Variants in FAM135A observed in about 807,000 individuals in gnomAD.
The protein encoded by FAM135A is protein FAM135A.
Under a neutral mutation model 146.8 loss-of-function variants are expected in FAM135A, and 79 were observed. The ratio of observed to expected loss-of-function variants is 0.54; its 90% CI spans 0.45 to 0.65. The LOEUF is 0.65. Ranked by LOEUF, FAM135A falls within the 30% of genes least tolerant of loss-of-function variation. The pLI is 0.00. For missense variants in FAM135A, 1,623 were observed against 1,758.2 expected (o/e 0.92, Z 1.38); for synonymous variants, 562 against 603.6 (o/e 0.93, Z 1.01).
rs780442601 is a variant in FAM135A at position 70,482,012 on chromosome 6, C to A, written c.681C>A (p.Phe227Leu). ...TKQLSPDGCS[F>L]IIADSFLHHA... Reference sequence around the variant, plus strand: ...TGTTTTTTGTTTAGGGTTGTAGCTTCATCATTGCAGACTCCTTCCTACATC... The same window carrying A: ...TGTTTTTTGTTTAGGGTTGTAGCTTAATCATTGCAGACTCCTTCCTACATC... The change falls in exon 10 of 22, where the codon TTC becomes TTA. Residue 227 changes from phenylalanine to leucine, a missense_variant. This residue lies in a region of FAM135A where 206 missense variants were observed against 194.7 expected (regional missense o/e 1.06). Coordinates refer to ENST00000418814, the MANE Select transcript of FAM135A (RefSeq NM_001162529.3). 6.2e-7 allele frequency: 1 copy of A among 1,612,636 alleles called. No homozygotes were observed. The highest frequency in any genetic ancestry group is 1.1e-5 in the South Asian group (1 of 90,946).
chr6:70,462,460 C>T lies in FAM135A; in HGVS notation c.157+9889C>T, dbSNP rs556211770. Reference sequence around the variant, plus strand: ...TGCCCAGCACACAGTATTTAGTAGCCAGTATTAGTACTAATAAGACTGAAA... The same window carrying T: ...TGCCCAGCACACAGTATTTAGTAGCTAGTATTAGTACTAATAAGACTGAAA... On this transcript the variant is annotated intron_variant, in intron 5 of 21. Coordinates refer to ENST00000418814, the MANE Select transcript of FAM135A (RefSeq NM_001162529.3). 9.2e-5 allele frequency among the ~76,000 whole-genome samples: 14 copies of T among 151,922 alleles called. No homozygotes were observed. The South Asian group carries it at 2.9e-3, about 32-fold the overall frequency.
intron 2 of FAM135A, among the ~76,000 whole-genome samples, chr6:70,417,935 A>G (rs1226724398): frequency 6.6e-6 from 1 of 152,188 alleles, no homozygotes; most frequent in African/African-American, 2.4e-5. Context: ...AGTTTGTCTT[A>G]TATTCTAAAA....
intron 20 of FAM135A, among the ~76,000 whole-genome samples, chr6:70,540,462 C>CT (rs1303469808): frequency 2.6e-5 from 4 of 151,600 alleles, no homozygotes; most frequent in African/African-American, 4.8e-5. Context: ...GTAGCTGGGA[C>CT]TACAGGCGCC....
chr6:70,533,526 C>G (rs1264322325), intron 17 of FAM135A, among the ~76,000 whole-genome samples: 1 of 152,044 alleles, frequency 6.6e-6, no homozygotes, highest in African/African-American at 2.4e-5. Context: ...TGGTAGTGAG[C>G]TAAACAAACA....
In FAM135A at chr6:70,525,022, T is replaced by G. The variant is rs1794391795; in HGVS notation, c.1938T>G (p.His646Gln). ...SRRSSDDCHD[H>Q]QTTPSLGVRT... ...GGTCATCAGACGATTGCCATGATCA[T>G]CAAACAACCCCATCTTTGGGAGTTA... The change falls in exon 15 of 22, where the codon CAT becomes CAG. Residue 646 changes from histidine to glutamine, a missense_variant. By Grantham distance (24) the His-to-Gln change is conservative (BLOSUM62 0). This residue lies in a region of FAM135A where 1,061 missense variants were observed against 1,113.8 expected (regional missense o/e 0.95). Transcript: ENST00000418814. 1 of 1,597,306 alleles carries G rather than the reference T, an allele frequency of 6.3e-7. No homozygotes were observed. Among genetic ancestry groups the G allele is most frequent in the African/African-American group, 1.4e-5 (1 of 73,966 alleles).
intron 11 of FAM135A, among the ~76,000 whole-genome samples, chr6:70,495,593 G>A (rs1323165074): frequency 1.3e-5 from 2 of 151,752 alleles, no homozygotes; most frequent in Non-Finnish European, 2.9e-5. Flanking sequence ...GCAGCCTTTG[G>A]GGATACACAC....
At chr6:70,469,905 C>T (rs1487644033) in intron 5 of FAM135A, among the ~76,000 whole-genome samples, 1 of 151,844 alleles carries the variant, frequency 6.6e-6, no homozygotes, top group African/African-American at 2.4e-5. Flanking sequence ...GTGAGAGGAT[C>T]GCTTGAGCCC....
intron 4 of FAM135A, among the ~76,000 whole-genome samples, chr6:70,438,727 T>C (rs1001262529): frequency 6.6e-6 from 1 of 152,202 alleles, no homozygotes; most frequent in African/African-American, 2.4e-5. Context: ...AAAAATCTCT[T>C]ATGCAGAGGT....
intron 11 of FAM135A, among the ~76,000 whole-genome samples, chr6:70,496,623 T>G (rs956767398): frequency 1.3e-5 from 2 of 152,194 alleles, no homozygotes; most frequent in Admixed American, 6.5e-5. Context: ...TCTTGTAGAG[T>G]TTGTATGGTT....
intron 5 of FAM135A, among the ~76,000 whole-genome samples, chr6:70,460,165 CTGTTA>C (rs1392748402): frequency 6.6e-6 from 1 of 152,150 alleles, no homozygotes; most frequent in Non-Finnish European, 1.5e-5. Context: ...AATGGACTTC[CTGTTA>C]TGATAAAAAG....
At chr6:70,500,579 A>T (rs1788266116) in intron 11 of FAM135A, among the ~76,000 whole-genome samples, 1 of 152,196 alleles carries the variant, frequency 6.6e-6, no homozygotes, top group South Asian at 2.1e-4. Context: ...TGGAATTTTC[A>T]GCACTTTTGC....
intron 11 of FAM135A, among the ~76,000 whole-genome samples, chr6:70,500,965 A>G (rs1008609996): frequency 2.0e-5 from 3 of 152,130 alleles, no homozygotes; most frequent in African/African-American, 7.2e-5. Flanking sequence ...GGGGTCAGGG[A>G]CCCACTTGAG....
intron 5 of FAM135A, among the ~76,000 whole-genome samples, chr6:70,454,751 T>C (rs1423671275): frequency 6.6e-6 from 1 of 152,304 alleles, no homozygotes; most frequent in African/African-American, 2.4e-5. Context: ...GCCTCTGTTC[T>C]GTTCCATTGG....
intron 21 of FAM135A, among the ~76,000 whole-genome samples, chr6:70,558,487 T>A (rs1801335728): frequency 6.6e-6 from 1 of 152,238 alleles, no homozygotes; most frequent in Admixed American, 6.5e-5. Context: ...ATGTGCTTAG[T>A]ATGACCTCAG....
In FAM135A at chr6:70,524,492, A is replaced by C. The variant is rs534314794; in HGVS notation, c.1408A>C (p.Thr470Pro). 1.2e-4 allele frequency: 179 copies of C among 1,551,298 alleles called. No individual in the cohort carries two copies. The highest frequency in any genetic ancestry group is 1.7e-4 in the Middle Eastern group (1 of 5,992). The stretch of plus-strand genomic sequence containing the variant: ...TGCTGGTGCCTCCAGTATTTGGTAT[A>C]CAGAAGGTGAAAAGCAGCTAACAAA... ...RPAGASSIWY[T>P]EGEKQLTKSL... Residue 470 changes from threonine to proline, a missense_variant, in exon 15 of 22, where the codon ACA (threonine) becomes CCA (proline). Physicochemically the swap from Thr to Pro is conservative, Grantham distance 38 (BLOSUM62 -1). Coordinates refer to ENST00000418814, the MANE Select transcript of FAM135A (RefSeq NM_001162529.3).
intron 10 of FAM135A, among the ~76,000 whole-genome samples, chr6:70,486,470 A>G (rs541248121): frequency 6.6e-6 from 1 of 152,318 alleles, no homozygotes; most frequent in South Asian, 2.1e-4. Context: ...GAAATGGTAA[A>G]TGCAAAACTC....
chr6:70,431,296 G>A (rs1338487199), intron 4 of FAM135A, among the ~76,000 whole-genome samples: 1 of 152,166 alleles, frequency 6.6e-6, no homozygotes, highest in Non-Finnish European at 1.5e-5. Flanking sequence ...CGGTTCTACT[G>A]ATCTAGGGTG....
At chr6:70,533,916 CAG>C in intron 18 of FAM135A, 62 bp downstream of exon 18, 1 of 880,118 alleles carries the variant, frequency 1.1e-6, no homozygotes, top group Non-Finnish European at 1.6e-6. Context: ...AAAAGTTAAA[CAG>C]AATTTGTGAT....
chr6:70,442,551 C>A (rs1270033061), intron 4 of FAM135A, among the ~76,000 whole-genome samples: 1 of 151,940 alleles, frequency 6.6e-6, no homozygotes, highest in Admixed American at 6.6e-5. Context: ...TTTGGTATAT[C>A]CTTTTTTTCT....
Sources: allele counts gnomAD v4.1 joint callset (sites outside exome capture counted in the v4.1 genomes callset), GRCh38; gene constraint gnomAD v4.1.1; regional missense constraint gnomAD v4.1.1; transcripts MANE v1.5; gene names NCBI Gene and HGNC (gene_info 2026-07-23, HGNC 2026-07-21).